DMD: variants seen among roughly 807,000 people sequenced by gnomAD.
DMD encodes the protein dystrophin, also known as mutant dystrophin.
In DMD, 63 loss-of-function variants were observed where a neutral mutation model predicts 330.1. The ratio of observed to expected loss-of-function variants is 0.19; its 90% CI spans 0.16 to 0.24. The LOEUF (loss-of-function observed/expected upper bound fraction) is 0.24, where lower values mean the gene tolerates loss of function less well. DMD is among the 10% of genes least tolerant of loss of function. DMD has a pLI of 1.00. For missense variants in DMD, 3,344 were observed against 2,684.1 expected, an observed-to-expected ratio of 1.25 and a Z score of -5.43; for synonymous variants, 1,223 against 959.8, an observed-to-expected ratio of 1.27 and a Z score of -5.07.
At chrX:31,235,391 TC>T (rs960513873) in intron 63 of DMD, among the ~76,000 whole-genome samples, 1 of 112,153 alleles carries the variant, frequency 8.9e-6, no homozygotes, top group Non-Finnish European at 1.9e-5. Context: ...AGTTTAAATA[TC>T]CAGTATACAA....
intron 2 of DMD, among the ~76,000 whole-genome samples, chrX:32,882,765 T>TA (rs1027329077): frequency 7.2e-5 from 8 of 111,809 alleles, no homozygotes; most frequent in Non-Finnish European, 1.5e-4. Context: ...ACATGAATAG[T>TA]AAAAAATAAA....
intron 44 of DMD, among the ~76,000 whole-genome samples, chrX:32,139,444 G>A (rs1181697909): frequency 8.9e-6 from 1 of 112,134 alleles, no homozygotes; most frequent in Non-Finnish European, 1.9e-5. Context: ...CACAGGAATG[G>A]CTTTTGACAC....
chrX:31,503,892 G>C lies in DMD; in HGVS notation c.8390+3389C>G, dbSNP rs753673828. Among the ~76,000 whole-genome samples the C allele has an allele frequency of 5.4e-5, 6 of 110,302 alleles. No homozygotes were observed. In the South Asian group the frequency reaches 2.3e-3, roughly 43 times the overall value. On this transcript the variant is annotated intron_variant, in intron 56 of 78. Coordinates refer to ENST00000357033, the MANE Select transcript of DMD (RefSeq NM_004006.3). Reference sequence around the variant, plus strand: ...AGAAAAAGAAAAGAGAAGGGAAGGAGTTAGCAAGGACTTATTAGGCACAGT... The same window carrying C: ...AGAAAAAGAAAAGAGAAGGGAAGGACTTAGCAAGGACTTATTAGGCACAGT...
chrX:32,050,972 C>CTTTTTTTTTTTTTTTTT (rs1569536965), intron 44 of DMD, among the ~76,000 whole-genome samples: 1 of 64,279 alleles, frequency 1.6e-5, no homozygotes, highest in African/African-American at 8.5e-5. Context: ...GGCTAACTTC[C>CTTTTTTTTTTTTTTTTT]TCTTTTTTTT....
At chrX:32,865,111 TTG>T (rs1380999669) in intron 2 of DMD, among the ~76,000 whole-genome samples, 1 of 111,734 alleles carries the variant, frequency 8.9e-6, no homozygotes, top group Non-Finnish European at 1.9e-5. Context: ...TACATAGCAC[TTG>T]GCTTATTTTC....
chrX:33,008,811 TAC>T (rs370298202), intron 2 of DMD, among the ~76,000 whole-genome samples: 1 of 97,883 alleles, frequency 1.0e-5, no homozygotes, highest in Non-Finnish European at 2.0e-5. Context: ...TACGTATATA[TAC>T]ACATAAATGT....
At chrX:33,064,741 T>C (rs543466172) in intron 1 of DMD, among the ~76,000 whole-genome samples, 3 of 110,120 alleles carry the variant, frequency 2.7e-5, no homozygotes, top group African/African-American at 9.9e-5. Context: ...ACACAAAAAT[T>C]AGCCGGGCAT....
intron 30 of DMD, among the ~76,000 whole-genome samples, chrX:32,393,958 T>C (rs2098022125): frequency 9.0e-6 from 1 of 111,391 alleles, no homozygotes; most frequent in South Asian, 3.8e-4. Context: ...GCAGAAATCG[T>C]ATTTTCAAGG....
intron 62 of DMD, among the ~76,000 whole-genome samples, chrX:31,262,591 C>T (rs1004143850): frequency 1.4e-4 from 16 of 112,393 alleles, no homozygotes; most frequent in African/African-American, 4.2e-4. Context: ...CTTCCAAATA[C>T]GTTTATTTCA....
intron 29 of DMD, among the ~76,000 whole-genome samples, chrX:32,436,361 C>G (rs899385645): frequency 8.9e-6 from 1 of 111,785 alleles, no homozygotes; most frequent in African/African-American, 3.3e-5. Flanking sequence ...ACCCTGACTA[C>G]TAATACAAGG....
At chrX:31,315,253 A>G (rs911356345) in intron 62 of DMD, among the ~76,000 whole-genome samples, 2 of 112,360 alleles carry the variant, frequency 1.8e-5, no homozygotes, top group Non-Finnish European at 3.8e-5. Flanking sequence ...CTATATCTCT[A>G]TGAGTGTTTT....
chrX:32,318,311 T>A (rs1426706459), intron 41 of DMD, among the ~76,000 whole-genome samples: 1 of 111,392 alleles, frequency 9.0e-6, no homozygotes, highest in Non-Finnish European at 1.9e-5. Flanking sequence ...ATTGTATTGG[T>A]CCAGGGTGAT....
intron 50 of DMD, among the ~76,000 whole-genome samples, chrX:31,811,662 G>A (rs2092459785): frequency 9.0e-6 from 1 of 111,593 alleles, no homozygotes; most frequent in African/African-American, 3.3e-5. Flanking sequence ...AGACTTTGAG[G>A]AAGTTTTCAA....
intron 43 of DMD, among the ~76,000 whole-genome samples, chrX:32,277,468 AATGGATCTAAT>A (rs1411183205): frequency 8.9e-6 from 1 of 111,791 alleles, no homozygotes; most frequent in Non-Finnish European, 1.9e-5. Context: ...CTATAGAATA[AATGGATCTAAT>A]ATTTACAGGA....
At chrX:32,256,562 G>T (rs886673626) in intron 43 of DMD, among the ~76,000 whole-genome samples, 1 of 110,173 alleles carries the variant, frequency 9.1e-6, no homozygotes, top group Non-Finnish European at 1.9e-5. Context: ...TTATGATGTT[G>T]GTTAGTTATT....
At chrX:32,787,297 G>A (rs189761893) in intron 7 of DMD, among the ~76,000 whole-genome samples, 2 of 107,084 alleles carry the variant, frequency 1.9e-5, no homozygotes, top group Non-Finnish European at 3.8e-5. Context: ...CCACTCTGAG[G>A]AATTTAAGAT....
chrX:32,816,689 A>G, intron 5 of DMD, 49 bp from the exon 6 acceptor site: 1 of 1,133,386 alleles, frequency 8.8e-7, no homozygotes, highest in Non-Finnish European at 1.2e-6. Flanking sequence ...CTTGAGCAAG[A>G]ACCATGCAAA....
chrX:31,147,114 C>T (rs1236969401), intron 75 of DMD, among the ~76,000 whole-genome samples, 161 bp downstream of exon 75: 4 of 112,021 alleles, frequency 3.6e-5, no homozygotes, highest in Non-Finnish European at 5.6e-5. Flanking sequence ...ACTAGTTTTT[C>T]TATCTCCTCT....
intron 7 of DMD, among the ~76,000 whole-genome samples, chrX:32,736,172 T>C (rs1255728768): frequency 1.8e-5 from 2 of 112,155 alleles, no homozygotes; most frequent in African/African-American, 6.5e-5. Flanking sequence ...AAAATGCTCA[T>C]CATCACTGGG....
Sources: allele counts gnomAD v4.1 joint callset (sites outside exome capture counted in the v4.1 genomes callset), GRCh38; gene constraint gnomAD v4.1.1; transcripts MANE v1.5; gene names NCBI Gene and HGNC (gene_info 2026-07-23, HGNC 2026-07-21).